Variants in TBC1D2B observed in about 807,000 individuals in gnomAD.
TBC1D2B encodes TBC1 domain family, member 2B.
Under a neutral mutation model 100.8 loss-of-function variants are expected in TBC1D2B, and 64 were observed. The observed-to-expected ratio is 0.64, with a 90% CI of 0.52 to 0.78. TBC1D2B has a LOEUF of 0.78. TBC1D2B is among the 30% of genes least tolerant of loss of function. The pLI is 0.00. For missense variants in TBC1D2B, 1,052 were observed against 1,218.4 expected (o/e 0.86, Z 2.03); for synonymous variants, 480 against 479.7 (o/e 1.00, Z -0.01).
intron 1 of TBC1D2B, among the ~76,000 whole-genome samples, chr15:78,068,084 T>G (rs1283860250): frequency 6.6e-6 from 1 of 152,210 alleles, no homozygotes; most frequent in Non-Finnish European, 1.5e-5. Context: ...AGTGCCAGAC[T>G]TCTCAGAATC....
chr15:78,027,911 A>C (rs1054583034), intron 4 of TBC1D2B, among the ~76,000 whole-genome samples: 2 of 151,958 alleles, frequency 1.3e-5, no homozygotes, highest in Admixed American at 6.5e-5. Context: ...GCCACATTCT[A>C]CACCATGTCA....
At chr15:78,070,390 TC>T (rs982241369) in intron 1 of TBC1D2B, among the ~76,000 whole-genome samples, 2 of 152,238 alleles carry the variant, frequency 1.3e-5, no homozygotes. Flanking sequence ...TGCATATCTT[TC>T]CTTTCAAACT....
chr15:78,073,778 T>C (rs971837011), intron 1 of TBC1D2B, among the ~76,000 whole-genome samples: 4 of 152,012 alleles, frequency 2.6e-5, no homozygotes, highest in African/African-American at 7.2e-5. Context: ...GAGACCAGCC[T>C]GGCCAATATG....
At chr15:78,009,831 C>T (rs769111947) in intron 9 of TBC1D2B, among the ~76,000 whole-genome samples, 3 of 151,970 alleles carry the variant, frequency 2.0e-5, no homozygotes, top group African/African-American at 7.3e-5. Context: ...AAAAATTAGC[C>T]AGGCGCGGTG....
chr15:78,031,408 G>A (rs968248837), intron 3 of TBC1D2B, among the ~76,000 whole-genome samples: 1 of 151,998 alleles, frequency 6.6e-6, no homozygotes, highest in South Asian at 2.1e-4. Context: ...ACAAAAATTA[G>A]CTGGGTGTGG....
chr15:78,022,549 A>AT (rs35996355), intron 6 of TBC1D2B, among the ~76,000 whole-genome samples: 1 of 150,644 alleles, frequency 6.6e-6, no homozygotes, highest in African/African-American at 2.4e-5. Flanking sequence ...CACAAAGCCT[A>AT]TTTTTTTTTT....
chr15:78,014,111 G>A (rs934067336), intron 8 of TBC1D2B, among the ~76,000 whole-genome samples: 3 of 152,132 alleles, frequency 2.0e-5, no homozygotes, highest in Admixed American at 6.5e-5. Context: ...CTAGTCCTAC[G>A]AATGACTGCA....
At chr15:78,027,765 A>C (rs2072707882) in intron 4 of TBC1D2B, among the ~76,000 whole-genome samples, 2 of 152,262 alleles carry the variant, frequency 1.3e-5, no homozygotes, top group Admixed American at 6.5e-5. Context: ...AGCCAACAGT[A>C]CTTATTTTCA....
intron 1 of TBC1D2B, among the ~76,000 whole-genome samples, chr15:78,065,133 G>A (rs2073631125): frequency 1.3e-5 from 2 of 152,172 alleles, no homozygotes; most frequent in South Asian, 4.1e-4. Context: ...GGTGGTCTGA[G>A]GAGTTCTGCC....
rs138633848 is a variant in TBC1D2B, at chr15:78,030,876, G to A, written c.684-706C>T. ...AACTGTGGCATATTCATATAGTCAA[G>A]TACTATACAGCACTTAAAATTAACT... On this transcript the variant is annotated intron_variant, in intron 3 of 12. Transcript: ENST00000300584. 5.7e-3 allele frequency among the ~76,000 whole-genome samples: 872 copies of A among 152,250 alleles called. 8 individuals carry two copies. Among genetic ancestry groups the A allele is most frequent in the African/African-American group, 0.018 (751 of 41,538 alleles).
chr15:78,003,199 G>A (rs1219488091), intron 11 of TBC1D2B, 106 bp downstream of exon 11: 1 of 992,034 alleles, frequency 1.0e-6, no homozygotes, highest in East Asian at 2.4e-5. Flanking sequence ...TGGGCACCAT[G>A]GTAACCCTCA....
At position 77,997,725 on chromosome 15, in the gene TBC1D2B, A is replaced by C. The variant is rs2071799842; in HGVS notation, c.*435T>G. ...GCAACCCTCTGGCCTACAGGTGCCT[A>C]AAGCACAGCTGGCATCCTTTATAGC... On this transcript the variant is annotated 3_prime_UTR_variant, in exon 13 of 13. Transcript: ENST00000300584. 6.5e-6 allele frequency: 1 copy of C among 154,092 alleles called. No individual in the cohort carries two copies. The highest frequency in any genetic ancestry group is 1.4e-5 in the Non-Finnish European group (1 of 69,448). 9.5% of individuals were successfully genotyped at this position (154,092 alleles called of 1,614,324 possible).
intron 8 of TBC1D2B, among the ~76,000 whole-genome samples, 181 bp from the exon 9 acceptor site, chr15:78,013,498 C>T (rs2072290013): frequency 6.6e-6 from 1 of 152,020 alleles, no homozygotes; most frequent in Admixed American, 6.6e-5. Flanking sequence ...GGAGGACTGG[C>T]TATCTATATG....
At position 78,024,511 on chromosome 15, in the gene TBC1D2B, A is replaced by G. The variant is rs763751151; in HGVS notation, c.1115T>C (p.Val372Ala). 4 of 1,613,532 alleles carry G rather than the reference A, an allele frequency of 2.5e-6. No homozygotes were observed. The South Asian group carries it at 4.4e-5, about 18-fold the overall frequency. The change falls in exon 6 of 13, where the codon GTC (valine) becomes GCC (alanine). Residue 372 changes from valine to alanine, a missense_variant. By Grantham distance (64) the Val-to-Ala change is moderately conservative. Coordinates refer to ENST00000300584, the MANE Select transcript of TBC1D2B (RefSeq NM_144572.2). ...ATACTTGTCATACTGGGATGACCGG[A>G]CTGTCTGCTGGAGCAGTCGAACAAG... ...KELVRLLQQTVRSSQYDKYFT... is the reference protein window; with the variant it reads ...KELVRLLQQTARSSQYDKYFT...
rs542054906 is a variant in TBC1D2B at position 77,996,058 on chromosome 15, G to A, written c.*2102C>T. 1 of 151,778 alleles carries A rather than the reference G, an allele frequency of 6.6e-6. No individual in the cohort carries two copies. Among genetic ancestry groups the A allele is most frequent in the East Asian group, 2.0e-4 (1 of 5,106 alleles). 9.4% of individuals were successfully genotyped at this position (151,778 alleles called of 1,614,324 possible). On this transcript the variant is annotated 3_prime_UTR_variant, in exon 13 of 13. Coordinates refer to ENST00000300584, the MANE Select transcript of TBC1D2B (RefSeq NM_144572.2). ...CCGCCCTCTCTTGCCTTCTGGACAC[G>A]CATCACTTGATTCCAGGCAGGAGAA...
chr15:78,027,311 G>A (rs1486974328), intron 4 of TBC1D2B, among the ~76,000 whole-genome samples: 1 of 152,196 alleles, frequency 6.6e-6, no homozygotes, highest in African/African-American at 2.4e-5. Context: ...TGAAGTGAGT[G>A]CTGGTTTCAT....
chr15:78,010,180 G>T (rs1179766101), intron 9 of TBC1D2B, among the ~76,000 whole-genome samples: 1 of 152,160 alleles, frequency 6.6e-6, no homozygotes, highest in Non-Finnish European at 1.5e-5. Context: ...GCACCCCAAA[G>T]GAGCTAACAG....
intron 2 of TBC1D2B, among the ~76,000 whole-genome samples, chr15:78,051,336 T>C (rs1265273307): frequency 6.6e-6 from 1 of 152,256 alleles, no homozygotes; most frequent in African/African-American, 2.4e-5. Flanking sequence ...GTTTCCCATT[T>C]GATCTTTATA....
intron 3 of TBC1D2B, among the ~76,000 whole-genome samples, chr15:78,041,032 T>A (rs1170520768): frequency 1.3e-5 from 2 of 152,200 alleles, no homozygotes; most frequent in Non-Finnish European, 2.9e-5. Context: ...CCAATTTTGT[T>A]TGTTTCTTAT....
Sources: allele counts gnomAD v4.1 joint callset (sites outside exome capture counted in the v4.1 genomes callset), GRCh38; gene constraint gnomAD v4.1.1; transcripts MANE v1.5; gene names NCBI Gene and HGNC (gene_info 2026-07-23, HGNC 2026-07-21).